NKAIN2: variants seen among roughly 807,000 people sequenced by gnomAD.
NKAIN2 encodes sodium/potassium transporting ATPase interacting 2.
Under a neutral mutation model 32.6 loss-of-function variants are expected in NKAIN2, and 14 were observed. The observed-to-expected ratio is 0.43, with a 90% CI of 0.28 to 0.67. The LOEUF (loss-of-function observed/expected upper bound fraction) is 0.67. Among genes scored for constraint, NKAIN2 ranks in the 30% least tolerant of loss-of-function variants. NKAIN2 has a pLI of 0.17. For synonymous variants in NKAIN2, 80 were observed against 87.2 expected (o/e 0.92, Z 0.46); for missense variants, 198 against 258.3 (o/e 0.77, Z 1.60).
rs186280534 is a variant in NKAIN2, at chr6:124,358,719, G to A, written c.273+3372G>A. Among the ~76,000 whole-genome samples the A allele has an allele frequency of 1.3e-3, 201 of 151,900 alleles. 1 individual carries two copies. Among genetic ancestry groups the A allele is most frequent in the African/African-American group, 4.7e-3 (196 of 41,318 alleles). ...TGCACAAATTTTCTCCCATGTTGTAGGTTGCCTGTTCACTCTGATGGTAGT... is the reference window on the plus strand; with the variant it reads ...TGCACAAATTTTCTCCCATGTTGTAAGTTGCCTGTTCACTCTGATGGTAGT... On this transcript the variant is annotated intron_variant, in intron 3 of 6. Coordinates refer to ENST00000368417, the MANE Select transcript of NKAIN2 (RefSeq NM_001040214.3).
intron 4 of NKAIN2, among the ~76,000 whole-genome samples, chr6:124,680,416 G>A (rs557625739): frequency 6.6e-6 from 1 of 152,168 alleles, no homozygotes; most frequent in East Asian, 1.9e-4. Context: ...AAAGCTGGTT[G>A]AGAGCCTTTT....
At chr6:123,896,587 A>G (rs1774290444) in intron 1 of NKAIN2, among the ~76,000 whole-genome samples, 1 of 152,178 alleles carries the variant, frequency 6.6e-6, no homozygotes, top group South Asian at 2.1e-4. Context: ...CCCAAGTTAT[A>G]AGTTAAGGAA....
intron 2 of NKAIN2, among the ~76,000 whole-genome samples, chr6:124,346,259 T>C (rs1202045774): frequency 2.6e-5 from 4 of 152,194 alleles, no homozygotes; most frequent in Admixed American, 6.5e-5. Context: ...TGCAACTATG[T>C]GGTCAATTTT....
Position 124,620,575 on chromosome 6 carries a change from C to T in NKAIN2, c.274-37611C>T, listed in dbSNP as rs115786964. 6.8e-3 allele frequency among the ~76,000 whole-genome samples: 1,036 copies of T among 152,180 alleles called. 20 individuals are homozygous for T. Among genetic ancestry groups the T allele is most frequent in the African/African-American group, 0.023 (962 of 41,500 alleles). ...GTTATATGATTGTAGAGTATGAGAC[C>T]CAATAAATCCATTACACACAATTTA... On this transcript the variant is annotated intron_variant, in intron 3 of 6. Coordinates refer to ENST00000368417, the MANE Select transcript of NKAIN2 (RefSeq NM_001040214.3).
rs9385340 is a variant in NKAIN2 at position 124,569,327 on chromosome 6, T to G, written c.274-88859T>G. Among the ~76,000 whole-genome samples, 4 of 152,224 alleles carry G rather than the reference T, an allele frequency of 2.6e-5. No homozygotes were observed. In the East Asian group the frequency reaches 7.7e-4, roughly 29 times the overall value. On this transcript the variant is annotated intron_variant, in intron 3 of 6. Coordinates refer to ENST00000368417, the MANE Select transcript of NKAIN2 (RefSeq NM_001040214.3). ...TTTCTACCTAAAAACCAGAAGAAAG[T>G]TCTTACTTCCCTATTTTTCCTTATT...
chr6:123,868,830 C>T (rs1009668372), intron 1 of NKAIN2, among the ~76,000 whole-genome samples: 1 of 152,074 alleles, frequency 6.6e-6, no homozygotes, highest in African/African-American at 2.4e-5. Flanking sequence ...TATTAGGAAA[C>T]ATTAATATTG....
chr6:124,432,134 C>T (rs943596836), intron 3 of NKAIN2, among the ~76,000 whole-genome samples: 6 of 152,218 alleles, frequency 3.9e-5, no homozygotes, highest in East Asian at 1.9e-4. Flanking sequence ...TACATGGAAG[C>T]GCTGCATTTA....
intron 2 of NKAIN2, among the ~76,000 whole-genome samples, chr6:124,297,301 A>G (rs117125256): frequency 0.011 from 1,645 of 152,312 alleles, 11 homozygotes; most frequent in Non-Finnish European, 0.016. Flanking sequence ...TTCATTTCTG[A>G]TATGTGTTAT....
At chr6:123,972,418 T>G (rs1380472720) in intron 1 of NKAIN2, among the ~76,000 whole-genome samples, 1 of 152,166 alleles carries the variant, frequency 6.6e-6, no homozygotes, top group African/African-American at 2.4e-5. Flanking sequence ...TAATGGAAGA[T>G]TAAACGCAAA....
intron 1 of NKAIN2, among the ~76,000 whole-genome samples, chr6:124,005,095 C>CTAATTACAGGTGGATT (rs1780024330): frequency 6.6e-6 from 1 of 151,854 alleles, no homozygotes. Context: ...CGTGGTGGTG[C>CTAATTACAGGTGGATT]ACACCTGTAA....
At chr6:124,621,515 C>T (rs1352740494) in intron 3 of NKAIN2, among the ~76,000 whole-genome samples, 3 of 152,156 alleles carry the variant, frequency 2.0e-5, no homozygotes, top group Non-Finnish European at 4.4e-5. Context: ...CCTACATTCT[C>T]CTCACATTCA....
intron 5 of NKAIN2, among the ~76,000 whole-genome samples, chr6:124,797,119 A>C (rs1250149988): frequency 2.0e-5 from 3 of 150,704 alleles, no homozygotes; most frequent in African/African-American, 7.3e-5. Flanking sequence ...TCGATGTGGC[A>C]ATTAAAAGGA....
chr6:124,052,487 G>A (rs1321220336), intron 1 of NKAIN2, among the ~76,000 whole-genome samples: 1 of 151,964 alleles, frequency 6.6e-6, no homozygotes, highest in African/African-American at 2.4e-5. Flanking sequence ...TTCCAAGTGT[G>A]TTTCAACTGC....
intron 2 of NKAIN2, among the ~76,000 whole-genome samples, chr6:124,284,659 A>G (rs1795458678): frequency 6.6e-6 from 1 of 152,084 alleles, no homozygotes; most frequent in Non-Finnish European, 1.5e-5. Context: ...GAACTATTTA[A>G]AAACTCAGAG....
chr6:124,106,057 C>T (rs1785106802), intron 1 of NKAIN2, among the ~76,000 whole-genome samples: 1 of 152,138 alleles, frequency 6.6e-6, no homozygotes, highest in Non-Finnish European at 1.5e-5. Flanking sequence ...CATGTGATTA[C>T]CCACTATGTT....
At chr6:124,703,645 C>T (rs551402860) in intron 4 of NKAIN2, among the ~76,000 whole-genome samples, 65 of 152,050 alleles carry the variant, frequency 4.3e-4, no homozygotes, top group African/African-American at 1.5e-3. Context: ...ACTTATCAGT[C>T]CCACGAGCAC....
intron 1 of NKAIN2, among the ~76,000 whole-genome samples, chr6:124,177,421 T>A (rs111343852): frequency 1.6e-4 from 24 of 152,310 alleles, no homozygotes; most frequent in African/African-American, 5.3e-4. Context: ...TGTAAATGAC[T>A]ACCACTGGAA....
At chr6:123,829,307 T>A (rs1247048053) in intron 1 of NKAIN2, 1 of 152,234 alleles carries the variant, frequency 6.6e-6, no homozygotes, top group African/African-American at 2.4e-5. Flanking sequence ...GCTCTAGGTC[T>A]AATTATCTAA....
intron 1 of NKAIN2, among the ~76,000 whole-genome samples, chr6:124,192,427 AT>A (rs1790065375): frequency 6.6e-6 from 1 of 152,160 alleles, no homozygotes. Context: ...GTGATTTCTA[AT>A]TAAATCCTGT....
Sources: gnomAD v4.1 joint callset for allele counts (sites outside exome capture counted in the v4.1 genomes callset) on GRCh38, gnomAD v4.1.1 for gene constraint, MANE v1.5 for transcripts, NCBI Gene and HGNC (gene_info 2026-07-23, HGNC 2026-07-21) for gene names.